The following CD160 variants were observed in gnomAD, a reference collection of about 807,000 sequenced individuals.
The protein encoded by CD160 is CD160 antigen.
Under a neutral mutation model 19.2 loss-of-function variants are expected in CD160, and 11 were observed. The observed-to-expected ratio is 0.57, with a 90% CI of 0.36 to 0.95. The LOEUF (loss-of-function observed/expected upper bound fraction) is 0.95. Among genes scored for constraint, CD160 ranks in the 40% least tolerant of loss-of-function variants. The pLI is 0.01. For synonymous variants in CD160, 75 were observed against 81.1 expected (o/e 0.93, Z 0.40); for missense variants, 182 against 213.2 (o/e 0.85, Z 0.91).
intron 5 of CD160, chr1:145,736,520 C>T (rs1327662420): frequency 1.7e-5 from 5 of 301,292 alleles, no homozygotes; most frequent in South Asian, 3.5e-5. Flanking sequence ...TTGAACAATG[C>T]GGCTCCTCAG....
chr1:145,728,094 C>T (rs1185309345), intron 2 of CD160, 162 bp from the exon 3 acceptor site: 3 of 493,214 alleles, frequency 6.1e-6, no homozygotes, highest in African/African-American at 1.9e-5. Flanking sequence ...CCCAGTGTAT[C>T]TCACTTGGTT....
At chr1:145,731,409 G>T (rs587674143) in intron 4 of CD160, among the ~76,000 whole-genome samples, 1 of 152,280 alleles carries the variant, frequency 6.6e-6, no homozygotes, top group South Asian at 2.1e-4. Context: ...GGTGGCTCAT[G>T]CCTGTAATCC....
At chr1:145,723,275 T>C (rs1204493141) in intron 1 of CD160, among the ~76,000 whole-genome samples, 2 of 152,198 alleles carry the variant, frequency 1.3e-5, no homozygotes, top group Non-Finnish European at 2.9e-5. Flanking sequence ...TTATGTTCCT[T>C]AATAGTACTG....
At chr1:145,721,613 C>A (rs908276518) in intron 1 of CD160, among the ~76,000 whole-genome samples, 3 of 152,140 alleles carry the variant, frequency 2.0e-5, no homozygotes, top group Admixed American at 6.5e-5. Flanking sequence ...TACCCTGCGC[C>A]CCTCCCATCC....
In CD160 at chr1:145,731,017, G is replaced by A; in HGVS notation, c.347G>A (p.Ser116Asn). 6.2e-7 allele frequency: 1 copy of A among 1,614,152 alleles called. No homozygotes were observed. Among genetic ancestry groups the A allele is most frequent in the South Asian group, 1.1e-5 (1 of 91,080 alleles). The change falls in exon 4 of 6, where the codon AGC (serine) becomes AAC (asparagine). Residue 116 changes from serine to asparagine, a missense_variant. By Grantham distance (46) the Ser-to-Asn change is conservative. Transcript: ENST00000369288. ...GGGACCTACCAGTGTTGTGCCAGAA[G>A]CCAGAAGTCAGGTATCCGCCTTCAG... ...HSGTYQCCAR[S>N]QKSGIRLQGH...
At chr1:145,736,171 A>C in intron 5 of CD160, 37 bp downstream of exon 5, 2 of 1,613,680 alleles carry the variant, frequency 1.2e-6, no homozygotes, top group Non-Finnish European at 1.7e-6. Flanking sequence ...CCAAGCAATG[A>C]GGGTGCTATT....
intron 4 of CD160, 54 bp downstream of exon 4, chr1:145,731,124 C>T: frequency 1.4e-6 from 2 of 1,393,832 alleles, no homozygotes; most frequent in East Asian, 2.3e-5. Context: ...GCAGGGTTGA[C>T]AGTGGAGATG....
intron 1 of CD160, among the ~76,000 whole-genome samples, chr1:145,719,870 G>A (rs1553707584): frequency 6.6e-6 from 1 of 152,230 alleles, no homozygotes; most frequent in Non-Finnish European, 1.5e-5. Flanking sequence ...ATTGGCCTGA[G>A]ACAAGCCGGG....
At chr1:145,724,570 T>C (rs1656978401) in intron 1 of CD160, among the ~76,000 whole-genome samples, 1 of 152,244 alleles carries the variant, frequency 6.6e-6, no homozygotes, top group South Asian at 2.1e-4. Context: ...ATTACCATTT[T>C]ACTTAGGATT....
At chr1:145,721,061 G>T (rs1237039296) in intron 1 of CD160, among the ~76,000 whole-genome samples, 1 of 152,196 alleles carries the variant, frequency 6.6e-6, no homozygotes, top group South Asian at 2.1e-4. Flanking sequence ...TAAGAGGGGA[G>T]ACCCGCCCCT....
rs1657254601 is a variant in CD160, at chr1:145,730,748, C to T, written c.78C>T (p.Cys26=). 6.2e-7 allele frequency: 1 copy of T among 1,610,890 alleles called. No individual in the cohort carries two copies. ...ATTCTTCCCTTTCCATTCCAGGATGCATTAACATCACCAGCTCAGCTTCCC... is the reference window on the plus strand; with the variant it reads ...ATTCTTCCCTTTCCATTCCAGGATGTATTAACATCACCAGCTCAGCTTCCC... ...LAIVDIQSGG[C]INITSSASQE... Residue 26 remains cysteine, a synonymous_variant, in exon 4 of 6, where the codon TGC becomes TGT. Coordinates refer to ENST00000369288, the MANE Select transcript of CD160 (RefSeq NM_007053.4).
intron 4 of CD160, among the ~76,000 whole-genome samples, chr1:145,735,480 G>C (rs1374907415): frequency 1.3e-5 from 2 of 152,126 alleles, no homozygotes; most frequent in Non-Finnish European, 2.9e-5. Flanking sequence ...CAGCTACTAG[G>C]GAAGCTGAGG....
At chr1:145,731,374 G>C (rs1451029583) in intron 4 of CD160, among the ~76,000 whole-genome samples, 1 of 152,148 alleles carries the variant, frequency 6.6e-6, no homozygotes, top group African/African-American at 2.4e-5. Flanking sequence ...AAAACAGATA[G>C]AAATTAGGCT....
rs782335728 is a variant in CD160 at position 145,731,035 on chromosome 1, G to A, written c.365G>A (p.Arg122His). ...CCARSQKSGI[R>H]LQGHFFSILF... ...GCCAGAAGCCAGAAGTCAGGTATCC[G>A]CCTTCAGGGCCATTTTTTCTCCATT... The change falls in exon 4 of 6, where the codon CGC becomes CAC. Residue 122 changes from arginine (R) to histidine (H), a missense_variant. Arg to His is a conservative substitution (Grantham distance 29, BLOSUM62 0). Coordinates refer to ENST00000369288, the MANE Select transcript of CD160 (RefSeq NM_007053.4). 1.5e-5 allele frequency: 25 copies of A among 1,613,918 alleles called. No individual in the cohort carries two copies. Among genetic ancestry groups the A allele is most frequent in the African/African-American group, 2.7e-5 (2 of 74,896 alleles).
chr1:145,725,962 G>T (rs1367207180), intron 2 of CD160, among the ~76,000 whole-genome samples: 4 of 151,980 alleles, frequency 2.6e-5, no homozygotes, highest in Non-Finnish European at 4.4e-5. Context: ...AGCTGGGTAT[G>T]AAATTAATAT....
chr1:145,726,582 C>T (rs1010282567), intron 2 of CD160, among the ~76,000 whole-genome samples: 6 of 151,926 alleles, frequency 3.9e-5, no homozygotes, highest in Non-Finnish European at 1.5e-5. Context: ...TGACGTTCCA[C>T]GGGTGGGGGC....
intron 1 of CD160, among the ~76,000 whole-genome samples, chr1:145,720,077 G>A (rs1656768950): frequency 6.6e-6 from 1 of 152,200 alleles, no homozygotes; most frequent in African/African-American, 2.4e-5. Context: ...TATGAATGTA[G>A]ACAATGAACC....
intron 2 of CD160, among the ~76,000 whole-genome samples, chr1:145,726,576 G>A (rs1326539475): frequency 2.0e-5 from 3 of 152,116 alleles, no homozygotes; most frequent in Non-Finnish European, 2.9e-5. Context: ...CACCGATGAC[G>A]TTCCACGGGT....
chr1:145,729,722 C>T (rs1657210431), intron 3 of CD160, among the ~76,000 whole-genome samples: 1 of 152,222 alleles, frequency 6.6e-6, no homozygotes, highest in Non-Finnish European at 1.5e-5. Flanking sequence ...AGTGGGCAGA[C>T]TGGCACCATC....
Sources: allele counts gnomAD v4.1 joint callset (sites outside exome capture counted in the v4.1 genomes callset), GRCh38; gene constraint gnomAD v4.1.1; transcripts MANE v1.5; gene names NCBI Gene and HGNC (gene_info 2026-07-23, HGNC 2026-07-21).